The following FBXO42 variants were observed in gnomAD, a reference collection of about 807,000 sequenced individuals.
The protein encoded by FBXO42 is F-box protein 42.
FBXO42 carries 12 observed loss-of-function variants against 71.7 expected under a neutral mutation model. That is an observed-to-expected ratio of 0.17 (90% confidence interval 0.11 to 0.27). The LOEUF (loss-of-function observed/expected upper bound fraction) is 0.27. Among genes scored for constraint, FBXO42 ranks in the 10% least tolerant of loss-of-function variants. FBXO42 has a pLI of 1.00. For synonymous variants in FBXO42, 325 were observed against 327.5 expected, an observed-to-expected ratio of 0.99 and a Z score of 0.08; for missense variants, 707 against 911.9, an observed-to-expected ratio of 0.78 and a Z score of 2.89.
chr1:16,347,492 C>T (rs1255441093), intron 1 of FBXO42, among the ~76,000 whole-genome samples: 1 of 151,998 alleles, frequency 6.6e-6, no homozygotes, highest in African/African-American at 2.4e-5. Context: ...CCAGCCTAGG[C>T]AACAGAGAGA....
intron 3 of FBXO42, among the ~76,000 whole-genome samples, chr1:16,296,109 T>A (rs780004430): frequency 2.0e-5 from 3 of 152,310 alleles, no homozygotes; most frequent in Admixed American, 2.0e-4. Flanking sequence ...AAAAGATGCA[T>A]GAGTGCTAAG....
chr1:16,288,018 C>T (rs764889498), intron 4 of FBXO42, among the ~76,000 whole-genome samples: 29 of 152,032 alleles, frequency 1.9e-4, no homozygotes, highest in Non-Finnish European at 3.4e-4. Flanking sequence ...TGGTGGTGGG[C>T]GCCTGTAATC....
chr1:16,254,737 C>A (rs1306417524), intron 6 of FBXO42, among the ~76,000 whole-genome samples: 2 of 152,174 alleles, frequency 1.3e-5, no homozygotes, highest in Admixed American at 6.5e-5. Flanking sequence ...GGGGGAATGA[C>A]CACAACTGCT....
At chr1:16,291,056 C>A (rs908705345) in intron 4 of FBXO42, among the ~76,000 whole-genome samples, 2 of 152,224 alleles carry the variant, frequency 1.3e-5, no homozygotes, top group Non-Finnish European at 2.9e-5. Flanking sequence ...GATGCTCTTA[C>A]TTCTCCAACA....
intron 4 of FBXO42, among the ~76,000 whole-genome samples, chr1:16,260,931 T>C (rs2081705135): frequency 1.3e-5 from 2 of 152,092 alleles, no homozygotes; most frequent in Admixed American, 1.3e-4. Flanking sequence ...CTTAAACTCC[T>C]GGCCTCAAGT....
At chr1:16,310,122 G>A (rs1055620025) in intron 2 of FBXO42, among the ~76,000 whole-genome samples, 5 of 149,388 alleles carry the variant, frequency 3.3e-5, no homozygotes, top group African/African-American at 1.2e-4. Context: ...GTGAACCCGG[G>A]AGAGGAGCTT....
At chr1:16,299,302 C>T (rs1374155114) in intron 3 of FBXO42, among the ~76,000 whole-genome samples, 2 of 152,102 alleles carry the variant, frequency 1.3e-5, no homozygotes, top group African/African-American at 4.8e-5. Flanking sequence ...CGAGCCACCG[C>T]ACCCAGCCCA....
intron 1 of FBXO42, among the ~76,000 whole-genome samples, chr1:16,333,989 A>G (rs756277917): frequency 3.3e-5 from 5 of 152,238 alleles, no homozygotes; most frequent in Non-Finnish European, 7.3e-5. Flanking sequence ...ATAATAATCC[A>G]TCAGAAACTT....
intron 2 of FBXO42, among the ~76,000 whole-genome samples, chr1:16,310,562 T>C (rs2100566815): frequency 6.6e-6 from 1 of 152,126 alleles, no homozygotes; most frequent in East Asian, 1.9e-4. Flanking sequence ...CCAGAATTCA[T>C]TAAAACTAAA....
At chr1:16,282,337 T>C (rs1438763778) in intron 4 of FBXO42, among the ~76,000 whole-genome samples, 1 of 151,518 alleles carries the variant, frequency 6.6e-6, no homozygotes, top group Non-Finnish European at 1.5e-5. Flanking sequence ...GTAATTCTCC[T>C]GCCTCAGCCT....
rs2081781060 is a variant in FBXO42 at position 16,266,892 on chromosome 1, T to C, written c.503-10133A>G. On this transcript the variant is annotated intron_variant, in intron 4 of 9. Transcript: ENST00000375592. ...GGAGGATAGCGTGGCACATATAACT[T>C]TGAAGGAAACAGATTCCTTAAAGAA... 4.6e-5 allele frequency among the ~76,000 whole-genome samples: 7 copies of C among 152,136 alleles called. 1 individual carries two copies. The South Asian group carries it at 1.4e-3, about 31-fold the overall frequency.
chr1:16,248,107 G>A lies in FBXO42; in HGVS notation c.*2563C>T, dbSNP rs1019608845. 1 of 152,132 alleles carries A rather than the reference G, an allele frequency of 6.6e-6. No individual in the cohort carries two copies. The highest frequency in any genetic ancestry group is 2.4e-5 in the African/African-American group (1 of 41,410). 9.4% of individuals were successfully genotyped at this position (152,132 alleles called of 1,614,324 possible). A position where few individuals can be genotyped will look rare whatever the true frequency, so the allele number is the denominator to read the frequency against. ...CAAAATTGGTATCATGTGAAAAATG[G>A]GGTCATGGTTCAATCTGGCCTGACT... On this transcript the variant is annotated 3_prime_UTR_variant, in exon 10 of 10. Coordinates refer to ENST00000375592, the MANE Select transcript of FBXO42 (RefSeq NM_018994.3).
chr1:16,313,772 G>C (rs189045897), intron 2 of FBXO42, among the ~76,000 whole-genome samples: 1 of 152,154 alleles, frequency 6.6e-6, no homozygotes, highest in Admixed American at 6.6e-5. Context: ...GTTCCCCCAG[G>C]AAAGAACACA....
intron 1 of FBXO42, among the ~76,000 whole-genome samples, chr1:16,337,162 C>T (rs1183943738): frequency 6.6e-6 from 1 of 152,132 alleles, no homozygotes; most frequent in Non-Finnish European, 1.5e-5. Context: ...TCCTAAGGTT[C>T]CAATGCTTCT....
intron 4 of FBXO42, among the ~76,000 whole-genome samples, chr1:16,269,614 C>T (rs1304104644): frequency 6.6e-6 from 1 of 151,940 alleles, no homozygotes. Context: ...TAACCTCCGC[C>T]TCCCAGGTTC....
chr1:16,252,934 A>G lies in FBXO42; in HGVS notation c.921+162T>C, dbSNP rs1275128087. 6.6e-6 allele frequency among the ~76,000 whole-genome samples: 1 copy of G among 152,258 alleles called. No homozygotes were observed. The highest frequency in any genetic ancestry group is 2.4e-5 in the African/African-American group (1 of 41,474). On this transcript the variant is annotated intron_variant, in intron 8 of 9. Coordinates refer to ENST00000375592, the MANE Select transcript of FBXO42 (RefSeq NM_018994.3). The surrounding 1 kb of genome is among the most constrained non-coding windows in gnomAD (Gnocchi z 4.4). ...TCCCCCCACAACCCTAAAAAAAAGC[A>G]GAAACAAAGGCCAGAAAATACAAAG...
At chr1:16,312,984 G>C (rs1441504704) in intron 2 of FBXO42, among the ~76,000 whole-genome samples, 1 of 151,968 alleles carries the variant, frequency 6.6e-6, no homozygotes, top group African/African-American at 2.4e-5. Context: ...TAGTAGAGAT[G>C]AGGTTTCACC....
At chr1:16,307,965 C>T (rs1250194725) in intron 2 of FBXO42, among the ~76,000 whole-genome samples, 1 of 152,060 alleles carries the variant, frequency 6.6e-6, no homozygotes, top group African/African-American at 2.4e-5. Context: ...AAGCACAAGA[C>T]CCAGAATAGC....
intron 1 of FBXO42, among the ~76,000 whole-genome samples, chr1:16,338,125 G>A (rs1408750412): frequency 2.6e-5 from 4 of 151,304 alleles, no homozygotes; most frequent in Non-Finnish European, 4.4e-5. Flanking sequence ...CAGGTGTGGT[G>A]GCAGGCGCCT....
Sources: allele counts gnomAD v4.1 joint callset (sites outside exome capture counted in the v4.1 genomes callset), GRCh38; gene constraint gnomAD v4.1.1; non-coding constraint Gnocchi (gnomAD v3.1); transcripts MANE v1.5; gene names NCBI Gene and HGNC (gene_info 2026-07-23, HGNC 2026-07-21).